ELP1: variants seen among roughly 807,000 people sequenced by gnomAD.
ELP1 encodes elongator acetyltransferase complex subunit 1.
In ELP1, 131 loss-of-function variants were observed where a neutral mutation model predicts 183.2. The observed-to-expected ratio is 0.72, with a 90% CI of 0.62 to 0.83. ELP1 has a LOEUF of 0.83. Among genes scored for constraint, ELP1 ranks in the 40% least tolerant of loss-of-function variants. ELP1 has a pLI of 0.00. For synonymous variants in ELP1, 555 were observed against 569.0 expected (o/e 0.98, Z 0.35); for missense variants, 1,550 against 1,594.9 (o/e 0.97, Z 0.48).
At position 108,867,657 on chromosome 9, in the gene ELP1, A is replaced by G. The variant is rs527741502; in HGVS notation, c.*1458T>C. The G allele has an allele frequency of 2.6e-5, 4 of 152,356 alleles. No individual in the cohort carries two copies. Among genetic ancestry groups the G allele is most frequent in the East Asian group, 3.9e-4 (2 of 5,188 alleles). The allele number at this position is 152,356 out of a possible 1,614,324, so 9.4% of individuals were successfully genotyped here. A position where few individuals can be genotyped will look rare whatever the true frequency, so the allele number is the denominator to read the frequency against. ...CAAAGAGTGATTACAAAGTACTTGCAGCCTTTCAATATTGGGCACTTAATT... is the reference window on the plus strand; with the variant it reads ...CAAAGAGTGATTACAAAGTACTTGCGGCCTTTCAATATTGGGCACTTAATT... On this transcript the variant is annotated 3_prime_UTR_variant, in exon 37 of 37. Transcript: ENST00000374647.
At chr9:108,885,266 T>C (rs1004453504) in intron 29 of ELP1, among the ~76,000 whole-genome samples, 2 of 151,920 alleles carry the variant, frequency 1.3e-5, no homozygotes, top group African/African-American at 4.8e-5. Context: ...TCAATAAAAT[T>C]GATAAACCTC....
In ELP1 at chr9:108,874,948, G is replaced by C. The variant is rs1372282592; in HGVS notation, c.3878C>G (p.Ala1293Gly). The C allele has an allele frequency of 6.2e-7, 1 of 1,611,830 alleles. No homozygotes were observed. Among genetic ancestry groups the C allele is most frequent in the Non-Finnish European group, 8.5e-7 (1 of 1,178,136 alleles). Residue 1293 changes from alanine (A) to glycine (G), a missense_variant, in exon 36 of 37, where the codon GCA becomes GGA. Transcript: ENST00000374647. ...ATPVLGPNSTANSIMASYQQQ... is the reference protein window; with the variant it reads ...ATPVLGPNSTGNSIMASYQQQ... Reference sequence around the variant, plus strand: ...CTGATAAGATGCCATGATACTATTTGCAGTAGAATTGGGACCTAGAACCTG... The same window carrying C: ...CTGATAAGATGCCATGATACTATTTCCAGTAGAATTGGGACCTAGAACCTG...
At chr9:108,890,615 C>T (rs1375973183) in intron 28 of ELP1, among the ~76,000 whole-genome samples, 1 of 152,178 alleles carries the variant, frequency 6.6e-6, no homozygotes, top group Non-Finnish European at 1.5e-5. Flanking sequence ...TTCGGGCAAC[C>T]CTTGTCCCTG....
chr9:108,888,167 C>T (rs962196668), intron 29 of ELP1, among the ~76,000 whole-genome samples: 1 of 152,158 alleles, frequency 6.6e-6, no homozygotes, highest in Admixed American at 6.5e-5. Context: ...AGACTACATA[C>T]CATATGGTTC....
At chr9:108,880,442 A>AAAAC (rs949347851) in intron 31 of ELP1, among the ~76,000 whole-genome samples, 8 of 152,218 alleles carry the variant, frequency 5.3e-5, no homozygotes, top group Admixed American at 1.3e-4. Flanking sequence ...GAGGATTGGC[A>AAAAC]AAACAAACAA....
At position 108,878,187 on chromosome 9, in the gene ELP1, T is replaced by A. The variant is rs916051427; in HGVS notation, c.3701-38A>T. 5 of 1,562,090 alleles carry A rather than the reference T, an allele frequency of 3.2e-6. No homozygotes were observed. The African/African-American group carries it at 6.8e-5, about 21-fold the overall frequency. ...AATTTGAAAGAGTGGTAAGTTATAT[T>A]CCCAGCTCCATTGACAGAATCATAC... On this transcript the variant is annotated intron_variant, in intron 34 of 36. Coordinates refer to ENST00000374647, the MANE Select transcript of ELP1 (RefSeq NM_003640.5).
rs377020122 is a variant in ELP1 at position 108,901,514 on chromosome 9, G to T, written c.1925C>A (p.Thr642Lys). 10 of 1,613,790 alleles carry T rather than the reference G, an allele frequency of 6.2e-6. No individual in the cohort carries two copies. In the South Asian group the frequency reaches 1.1e-4, roughly 18 times the overall value. The change falls in exon 18 of 37, where the codon ACG becomes AAG. Residue 642 changes from threonine to lysine, a missense_variant. By Grantham distance (78) the Thr-to-Lys change is moderately conservative. Transcript: ENST00000374647. ...AAACTCATCATATACTGCAAATGAC[G>T]TGATATTTGACGCAACCTGCAAGAG... ...INDIEVASNI[T>K]SFAVYDEFLL...
intron 20 of ELP1, 96 bp from the exon 21 acceptor site, chr9:108,898,845 C>T: frequency 1.2e-6 from 1 of 831,018 alleles, no homozygotes; most frequent in South Asian, 1.4e-5. Context: ...CAGTTATAAT[C>T]AGATTACAGC....
At chr9:108,924,190 C>G (rs1316000300) in intron 5 of ELP1, among the ~76,000 whole-genome samples, 11 of 152,166 alleles carry the variant, frequency 7.2e-5, no homozygotes, top group Non-Finnish European at 1.6e-4. Flanking sequence ...CCTACATCTG[C>G]TTTTACAAAC....
At chr9:108,918,073 T>A (rs1273140313) in intron 8 of ELP1, among the ~76,000 whole-genome samples, 1 of 152,244 alleles carries the variant, frequency 6.6e-6, no homozygotes, top group African/African-American at 2.4e-5. Context: ...AGGTCTTTTT[T>A]AAGACTTCAC....
Position 108,891,413 on chromosome 9 carries a change from AGAG to A in ELP1, c.2959-12_2959-10del. 6.2e-7 allele frequency: 1 copy of A among 1,612,566 alleles called. No individual in the cohort carries two copies. ...TAAGCAATGCTGATATCCTGTGACA[AGAG>A]GAGATTTAGGACTGAGGAGGAAATA... is the stretch of plus-strand genomic sequence containing the variant. On this transcript the variant is annotated splice_polypyrimidine_tract_variant and intron_variant, in intron 27 of 36. Transcript: ENST00000374647.
chr9:108,900,319 C>T lies in ELP1; in HGVS notation c.2071G>A (p.Val691Met), dbSNP rs753686703. 6 of 1,614,222 alleles carry T rather than the reference C, an allele frequency of 3.7e-6. No homozygotes were observed. Among genetic ancestry groups the T allele is most frequent in the Non-Finnish European group, 5.1e-6 (6 of 1,180,020 alleles). The change falls in exon 19 of 37, where the codon GTG (valine) becomes ATG (methionine). Residue 691 changes from valine to methionine, a missense_variant. By Grantham distance (21) the Val-to-Met change is conservative. Coordinates refer to ENST00000374647, the MANE Select transcript of ELP1 (RefSeq NM_003640.5). Reference sequence around the variant, plus strand: ...GTGACAATCCGTGAACCCCTCTCCACTTTCCGCAGAACTTCCCCATGGGAC... The same window carrying T: ...GTGACAATCCGTGAACCCCTCTCCATTTTCCGCAGAACTTCCCCATGGGAC... ...HVSHGEVLRK[V>M]ERGSRIVTVV...
At chr9:108,877,904 A>T in intron 35 of ELP1, 91 bp downstream of exon 35, 1 of 1,338,290 alleles carries the variant, frequency 7.5e-7, no homozygotes, top group Middle Eastern at 1.8e-4. Context: ...ATGTTTTAAG[A>T]ACAGGAAAAC....
In ELP1 at chr9:108,889,809, G is replaced by C. The variant is rs1828254566; in HGVS notation, c.3161-416C>G. 4 of 245,944 alleles carry C rather than the reference G, an allele frequency of 1.6e-5. No homozygotes were observed. The South Asian group carries it at 2.3e-4, about 14-fold the overall frequency. 15.2% of individuals were successfully genotyped at this position (245,944 alleles called of 1,614,324 possible). A position where few individuals can be genotyped will look rare whatever the true frequency, so the allele number is the denominator to read the frequency against. On this transcript the variant is annotated intron_variant, in intron 28 of 36. Transcript: ENST00000374647. ...GAGATAAACCACAATGAGAGGCACAGAGAACCCAAGGCTTTCGAAGGAGCT... is the reference window on the plus strand; with the variant it reads ...GAGATAAACCACAATGAGAGGCACACAGAACCCAAGGCTTTCGAAGGAGCT...
intron 10 of ELP1, 85 bp downstream of exon 10, chr9:108,916,119 T>C (rs922290119): frequency 2.5e-5 from 25 of 1,012,236 alleles, no homozygotes; most frequent in Middle Eastern, 2.0e-4. Flanking sequence ...AGGGACTAAG[T>C]AGAAGGGATG....
chr9:108,886,448 C>A (rs1294406023), intron 29 of ELP1, among the ~76,000 whole-genome samples: 1 of 152,108 alleles, frequency 6.6e-6, no homozygotes, highest in Non-Finnish European at 1.5e-5. Flanking sequence ...ATCTAATCTG[C>A]CACAAGAGAA....
At chr9:108,921,313 T>C (rs914320021) in intron 6 of ELP1, among the ~76,000 whole-genome samples, 12 of 152,050 alleles carry the variant, frequency 7.9e-5, no homozygotes, top group Non-Finnish European at 1.6e-4. Flanking sequence ...TCTGCCTCTG[T>C]GGATTTGCCC....
rs752025820 is a variant in ELP1, at chr9:108,881,757, T to G, written c.3294A>C (p.Lys1098Asn). Residue 1098 changes from lysine to asparagine, a missense_variant, in exon 31 of 37, where the codon AAA becomes AAC. By Grantham distance (94) the Lys-to-Asn change is moderately conservative (BLOSUM62 0). Coordinates refer to ENST00000374647, the MANE Select transcript of ELP1 (RefSeq NM_003640.5). ...AWEEALRLVY[K>N]YNRLDIIETN... ...TTTCTATAATATCCAGTCTGTTATA[T>G]TTGTATACCTAGAAGGAAAAACACA... 1.9e-6 allele frequency: 3 copies of G among 1,552,650 alleles called. No individual in the cohort carries two copies. The highest frequency in any genetic ancestry group is 2.7e-6 in the Non-Finnish European group (3 of 1,124,454).
intron 12 of ELP1, among the ~76,000 whole-genome samples, chr9:108,909,322 T>C (rs1458938123): frequency 1.3e-5 from 2 of 152,010 alleles, no homozygotes; most frequent in African/African-American, 4.8e-5. Context: ...AGTTTTCTAG[T>C]ACAACAAGCC....
Sources: allele counts gnomAD v4.1 joint callset (sites outside exome capture counted in the v4.1 genomes callset), GRCh38; gene constraint gnomAD v4.1.1; transcripts MANE v1.5; gene names NCBI Gene and HGNC (gene_info 2026-07-23, HGNC 2026-07-21).